Variants in ACAD11 observed in about 807,000 individuals in gnomAD.
The protein encoded by ACAD11 is acyl-Coenzyme A dehydrogenase family, member 11.
ACAD11 carries 83 observed loss-of-function variants against 102.2 expected under a neutral mutation model. The observed-to-expected ratio is 0.81, with a 90% CI of 0.68 to 0.97. The LOEUF is 0.97. ACAD11 is among the 50% of genes least tolerant of loss of function. The pLI is 0.00. For synonymous variants in ACAD11, 324 were observed against 319.8 expected (o/e 1.01, Z -0.14); for missense variants, 901 against 951.7 (o/e 0.95, Z 0.70).
chr3:132,632,906 AT>A (rs1940109401), intron 5 of ACAD11, among the ~76,000 whole-genome samples: 1 of 152,112 alleles, frequency 6.6e-6, no homozygotes, highest in Admixed American at 6.5e-5. Context: ...AATGCTTGTG[AT>A]TTTTGCACAT....
chr3:132,639,604 G>A lies in ACAD11; in HGVS notation c.590C>T (p.Ala197Val). Residue 197 changes from alanine to valine, a missense_variant, in exon 5 of 20, where the codon GCC (alanine) becomes GTC (valine). Transcript: ENST00000264990. ...TAGCCACTCCGATAGCTGTTGCATGGCAGGGATGTCCTGATGAGCTGCAGC... is the reference window on the plus strand; with the variant it reads ...TAGCCACTCCGATAGCTGTTGCATGACAGGGATGTCCTGATGAGCTGCAGC... The part of the protein sequence containing the change: ...YQAAAHQDIP[A>V]MQQLSEWLMK... 1 of 1,613,556 alleles carries A rather than the reference G, an allele frequency of 6.2e-7. No homozygotes were observed.
Position 132,638,274 on chromosome 3 carries a change from T to C in ACAD11, c.702+1218A>G, listed in dbSNP as rs1340165890. Among the ~76,000 whole-genome samples the C allele has an allele frequency of 5.9e-5, 9 of 152,276 alleles. No individual in the cohort carries two copies. In the East Asian group the frequency reaches 1.3e-3, roughly 23 times the overall value. On this transcript the variant is annotated intron_variant, in intron 5 of 19. Transcript: ENST00000264990. Reference sequence around the variant, plus strand: ...ATTTCCTGGCTTTGATAATGTACCATAGTTGTATAATATCCATTTTGCAGA... The same window carrying C: ...ATTTCCTGGCTTTGATAATGTACCACAGTTGTATAATATCCATTTTGCAGA...
intron 5 of ACAD11, among the ~76,000 whole-genome samples, chr3:132,639,006 T>A (rs1347265199): frequency 2.6e-5 from 4 of 152,210 alleles, no homozygotes; most frequent in African/African-American, 4.8e-5. Flanking sequence ...TATGCACATT[T>A]ACATTGAGCA....
chr3:132,594,259 A>G (rs1461698761), intron 13 of ACAD11, among the ~76,000 whole-genome samples: 1 of 152,194 alleles, frequency 6.6e-6, no homozygotes. Context: ...AAGGAATCCC[A>G]TTTACAAAAA....
At chr3:132,603,918 AC>A (rs1938724187) in intron 12 of ACAD11, among the ~76,000 whole-genome samples, 1 of 152,048 alleles carries the variant, frequency 6.6e-6, no homozygotes, top group Admixed American at 6.6e-5. Flanking sequence ...CTAATATGAC[AC>A]CCCTTTAAAT....
intron 9 of ACAD11, chr3:132,620,257 A>C (rs532639456): frequency 6.6e-6 from 1 of 152,330 alleles, no homozygotes; most frequent in East Asian, 1.9e-4. Context: ...AGACAAAATA[A>C]ACATTCTAAC....
intron 13 of ACAD11, chr3:132,602,308 C>T: frequency 6.0e-6 from 1 of 166,996 alleles, no homozygotes. Flanking sequence ...AACTGGTTAT[C>T]ATGACAAATG....
chr3:132,653,979 A>C (rs1175387119), intron 1 of ACAD11, among the ~76,000 whole-genome samples: 1 of 152,198 alleles, frequency 6.6e-6, no homozygotes, highest in Non-Finnish European at 1.5e-5. Flanking sequence ...GACATAACCA[A>C]CTGCTTACTA....
intron 13 of ACAD11, 97 bp from the exon 14 acceptor site, chr3:132,579,655 G>T: frequency 1.1e-6 from 1 of 890,498 alleles, no homozygotes. Context: ...ACCTATGTCA[G>T]AAAACAAATA....
rs1339603192 is a variant in ACAD11 at position 132,589,597 on chromosome 3, C to A, written c.1622-10039G>T. On this transcript the variant is annotated intron_variant, in intron 13 of 19. Transcript: ENST00000264990. ...CAGGCTGAAGGATCAACGCTACTTG[C>A]CCCACATAATGCATTGTGTGGGCAT... is the stretch of plus-strand genomic sequence containing the variant. Among the ~76,000 whole-genome samples, 3 of 152,262 alleles carry A rather than the reference C, an allele frequency of 2.0e-5. 1 individual carries two copies. Among genetic ancestry groups the A allele is most frequent in the African/African-American group, 7.2e-5 (3 of 41,562 alleles).
chr3:132,642,467 C>G (rs949280459), intron 3 of ACAD11, among the ~76,000 whole-genome samples: 1 of 152,150 alleles, frequency 6.6e-6, no homozygotes, highest in Non-Finnish European at 1.5e-5. Context: ...GTCAATACCC[C>G]CTAATTACTA....
chr3:132,659,520 C>T, intron 1 of ACAD11, 83 bp downstream of exon 1: 1 of 1,584,654 alleles, frequency 6.3e-7, no homozygotes, highest in South Asian at 1.1e-5. Flanking sequence ...GTGGGAGAAA[C>T]TTAGGAAACC....
chr3:132,611,593 G>A (rs1379303022), intron 11 of ACAD11, among the ~76,000 whole-genome samples: 1 of 151,962 alleles, frequency 6.6e-6, no homozygotes, highest in Non-Finnish European at 1.5e-5. Flanking sequence ...GAGAAACAGA[G>A]AGCCAAATCA....
chr3:132,597,963 C>T (rs1938390683), intron 13 of ACAD11, among the ~76,000 whole-genome samples: 3 of 152,102 alleles, frequency 2.0e-5, no homozygotes, highest in South Asian at 2.1e-4. Context: ...AGTTGGCACC[C>T]GGTTTTTACA....
At chr3:132,568,140 T>G (rs1462002102) in intron 17 of ACAD11, among the ~76,000 whole-genome samples, 1 of 152,070 alleles carries the variant, frequency 6.6e-6, no homozygotes. Flanking sequence ...GGCTGGAGAA[T>G]CGCTTGAACC....
chr3:132,603,101 C>T, intron 13 of ACAD11, 128 bp downstream of exon 13: 1 of 825,106 alleles, frequency 1.2e-6, no homozygotes, highest in Non-Finnish European at 1.9e-6. Flanking sequence ...CCGCACCTGG[C>T]CTACACATGC....
intron 9 of ACAD11, 149 bp downstream of exon 9, chr3:132,626,542 T>A (rs991924306): frequency 1.5e-4 from 122 of 821,756 alleles, no homozygotes; most frequent in Admixed American, 2.2e-4. Flanking sequence ...CCCTTTGTTC[T>A]ATCGTGGCTT....
chr3:132,595,337 A>G (rs1938254895), intron 13 of ACAD11, among the ~76,000 whole-genome samples: 1 of 152,178 alleles, frequency 6.6e-6, no homozygotes, highest in South Asian at 2.1e-4. Flanking sequence ...AGGGGTGAGT[A>G]GTGTGAAATG....
chr3:132,642,557 C>G, intron 3 of ACAD11, 120 bp downstream of exon 3: 1 of 1,146,180 alleles, frequency 8.7e-7, no homozygotes, highest in Non-Finnish European at 1.2e-6. Context: ...GCAATGCAAT[C>G]TAATTACCTA....
Sources: gnomAD v4.1 joint callset for allele counts (sites outside exome capture counted in the v4.1 genomes callset) on GRCh38, gnomAD v4.1.1 for gene constraint, MANE v1.5 for transcripts, NCBI Gene and HGNC (gene_info 2026-07-23, HGNC 2026-07-21) for gene names.